Variants in DENND1A observed in about 807,000 individuals in gnomAD.
DENND1A encodes the protein DENN domain containing 1A.
DENND1A carries 51 observed loss-of-function variants against 113.7 expected under a neutral mutation model. The ratio of observed to expected loss-of-function variants is 0.45; its 90% CI spans 0.36 to 0.57. The LOEUF is 0.57. DENND1A is among the 20% of genes least tolerant of loss of function. The probability of loss-of-function intolerance (pLI) is 0.00; values close to 1 mark genes in which losing one functional copy is unlikely to be tolerated. For missense variants in DENND1A, 1,258 were observed against 1,395.9 expected (o/e 0.90, Z 1.57); for synonymous variants, 565 against 570.8 (o/e 0.99, Z 0.14).
At chr9:123,414,480 A>T in intron 19 of DENND1A, 1 of 1,527,608 alleles carries the variant, frequency 6.5e-7, no homozygotes. Flanking sequence ...CTGCTGAGAA[A>T]CACCATCCTG....
intron 2 of DENND1A, among the ~76,000 whole-genome samples, chr9:123,862,050 A>G (rs1388643313): frequency 6.6e-6 from 1 of 152,244 alleles, no homozygotes; most frequent in African/African-American, 2.4e-5. Context: ...CCGCTAAGGA[A>G]TGAACATAAG....
intron 19 of DENND1A, among the ~76,000 whole-genome samples, chr9:123,429,179 T>C (rs538136353): frequency 6.6e-6 from 1 of 152,290 alleles, no homozygotes; most frequent in South Asian, 2.1e-4. Context: ...ATGGTACTTG[T>C]ACAAAAACAG....
rs369292818 is a variant in DENND1A, at chr9:123,620,615, C to T, written c.719+9761G>A. Among the ~76,000 whole-genome samples, 48 of 152,258 alleles carry T rather than the reference C, an allele frequency of 3.2e-4. No individual in the cohort carries two copies. The East Asian group carries it at 6.6e-3, about 21-fold the overall frequency. On this transcript the variant is annotated intron_variant, in intron 10 of 23. Coordinates refer to ENST00000394215, the MANE Select transcript of DENND1A (RefSeq NM_001352964.2). ...GTTCAAGCCTCAGGGTCAAGTTTAG[C>T]CAAATCTCAGTTGAGGAATTACCTA...
chr9:123,703,006 G>C (rs2065971949), intron 5 of DENND1A, among the ~76,000 whole-genome samples: 1 of 152,154 alleles, frequency 6.6e-6, no homozygotes, highest in Admixed American at 6.5e-5. Context: ...TTTTGATACA[G>C]AGTCTTTCCC....
chr9:123,522,394 G>T (rs1464341164), intron 13 of DENND1A, among the ~76,000 whole-genome samples: 1 of 152,162 alleles, frequency 6.6e-6, no homozygotes, highest in Non-Finnish European at 1.5e-5. Context: ...CGTGTGGGCA[G>T]GCCTGGTGCA....
intron 13 of DENND1A, among the ~76,000 whole-genome samples, chr9:123,546,089 T>G (rs2056656269): frequency 6.6e-6 from 1 of 152,186 alleles, no homozygotes; most frequent in South Asian, 2.1e-4. Flanking sequence ...TTACTGGTCA[T>G]GACAATTCTG....
At chr9:123,595,319 T>C (rs1010593276) in intron 11 of DENND1A, among the ~76,000 whole-genome samples, 5 of 152,188 alleles carry the variant, frequency 3.3e-5, no homozygotes, top group Non-Finnish European at 7.3e-5. Context: ...CTTCCTCTAA[T>C]GGCCCCTTTC....
At chr9:123,724,774 G>C (rs1258249284) in intron 5 of DENND1A, among the ~76,000 whole-genome samples, 3 of 152,136 alleles carry the variant, frequency 2.0e-5, no homozygotes, top group Non-Finnish European at 4.4e-5. Context: ...TGAAAATAAA[G>C]ACTAAGAAGA....
intron 2 of DENND1A, among the ~76,000 whole-genome samples, chr9:123,840,638 G>A (rs950840140): frequency 6.6e-6 from 1 of 152,158 alleles, no homozygotes; most frequent in Non-Finnish European, 1.5e-5. Context: ...GCCTAGCACA[G>A]TGCCGGTACA....
At chr9:123,523,597 C>T (rs144464771) in intron 13 of DENND1A, among the ~76,000 whole-genome samples, 7 of 152,330 alleles carry the variant, frequency 4.6e-5, no homozygotes, top group African/African-American at 1.2e-4. Flanking sequence ...TACTTTCATA[C>T]TGTAAAGTTA....
At chr9:123,716,028 C>T (rs2066955957) in intron 5 of DENND1A, among the ~76,000 whole-genome samples, 1 of 152,152 alleles carries the variant, frequency 6.6e-6, no homozygotes, top group Admixed American at 6.6e-5. Flanking sequence ...ATGACTTGTG[C>T]TGCTCTGGAG....
intron 5 of DENND1A, among the ~76,000 whole-genome samples, chr9:123,739,705 G>T (rs530452234): frequency 1.9e-3 from 296 of 152,220 alleles, no homozygotes; most frequent in African/African-American, 6.9e-3. Flanking sequence ...TAAAATATTT[G>T]CTTCAGCTGC....
intron 13 of DENND1A, among the ~76,000 whole-genome samples, chr9:123,487,706 T>G (rs1198209493): frequency 1.3e-5 from 2 of 152,112 alleles, no homozygotes; most frequent in Non-Finnish European, 2.9e-5. Flanking sequence ...CACAATGTCC[T>G]GCAGAATCAA....
chr9:123,783,237 T>C (rs1404371854), intron 3 of DENND1A, among the ~76,000 whole-genome samples: 2 of 152,328 alleles, frequency 1.3e-5, no homozygotes, highest in South Asian at 2.1e-4. Context: ...TTTTAGAACA[T>C]AAATATTCAG....
chr9:123,663,146 A>G (rs2063328996), intron 8 of DENND1A, among the ~76,000 whole-genome samples: 1 of 152,228 alleles, frequency 6.6e-6, no homozygotes, highest in African/African-American at 2.4e-5. Context: ...ACCACTAAAT[A>G]AGTATGTCAT....
At chr9:123,398,993 G>A (rs1438297582) in intron 21 of DENND1A, among the ~76,000 whole-genome samples, 1 of 148,944 alleles carries the variant, frequency 6.7e-6, no homozygotes, top group African/African-American at 2.5e-5. Flanking sequence ...ACGGGGTTTC[G>A]CCATGTTAGC....
At chr9:123,427,518 GT>G (rs2045832908) in intron 19 of DENND1A, among the ~76,000 whole-genome samples, 1 of 152,066 alleles carries the variant, frequency 6.6e-6, no homozygotes, top group African/African-American at 2.4e-5. Flanking sequence ...TTTCTCTTCT[GT>G]CCCTCCTCTA....
intron 8 of DENND1A, among the ~76,000 whole-genome samples, chr9:123,666,526 T>A (rs946645434): frequency 6.6e-6 from 1 of 152,182 alleles, no homozygotes; most frequent in African/African-American, 2.4e-5. Flanking sequence ...CTTGAGTAGA[T>A]CTACCCTAAT....
chr9:123,870,003 CAA>C lies in DENND1A; in HGVS notation c.88+8946_88+8947del, dbSNP rs11430845. On this transcript the variant is annotated intron_variant, in intron 2 of 23. Coordinates refer to ENST00000394215, the MANE Select transcript of DENND1A (RefSeq NM_001352964.2). ...GGGTGATGAGAGCAAGACCCTGTCT[CAA>C]AAAAAAAAAAAAAAAAAAAGAATCA... is the stretch of plus-strand genomic sequence containing the variant. 1.2e-3 allele frequency among the ~76,000 whole-genome samples: 98 copies of C among 78,586 alleles called. 1 individual carries two copies. The South Asian group carries it at 0.028, about 22-fold the overall frequency. 51.6% of individuals were successfully genotyped at this position (78,586 alleles called of 152,430 possible).
Sources: allele counts gnomAD v4.1 joint callset (sites outside exome capture counted in the v4.1 genomes callset), GRCh38; gene constraint gnomAD v4.1.1; transcripts MANE v1.5; gene names NCBI Gene and HGNC (gene_info 2026-07-23, HGNC 2026-07-21).